The following MAGI3 variants were observed in gnomAD, a reference collection of about 807,000 sequenced individuals.
MAGI3 encodes membrane-associated guanylate kinase, WW and PDZ domain-containing protein 3.
MAGI3 carries 43 observed loss-of-function variants against 121.8 expected under a neutral mutation model. The ratio of observed to expected loss-of-function variants is 0.35; its 90% CI spans 0.28 to 0.46. MAGI3 has a LOEUF of 0.46. Among genes scored for constraint, MAGI3 ranks in the 20% least tolerant of loss-of-function variants. The pLI, the probability that MAGI3 is intolerant of heterozygous loss-of-function variation, is 1.00. For synonymous variants in MAGI3, 553 were observed against 639.3 expected, an observed-to-expected ratio of 0.86 and a Z score of 2.04; for missense variants, 1,547 against 1,797.3, an observed-to-expected ratio of 0.86 and a Z score of 2.52.
chr1:113,660,516 T>C (rs1653726147), intron 16 of MAGI3, among the ~76,000 whole-genome samples: 1 of 151,960 alleles, frequency 6.6e-6, no homozygotes, highest in Non-Finnish European at 1.5e-5. Flanking sequence ...ATCTCTGCAC[T>C]TCACTGGACA....
chr1:113,442,594 A>G (rs938285374), intron 1 of MAGI3, among the ~76,000 whole-genome samples: 1 of 151,834 alleles, frequency 6.6e-6, no homozygotes, highest in Non-Finnish European at 1.5e-5. Context: ...TATATATATA[A>G]CGTACAGGCA....
chr1:113,545,291 T>C (rs1026700053), intron 1 of MAGI3, among the ~76,000 whole-genome samples: 6 of 152,156 alleles, frequency 3.9e-5, no homozygotes, highest in African/African-American at 1.4e-4. Context: ...TGAATCAATA[T>C]GAATTTATAA....
chr1:113,474,734 G>A (rs1313122494), intron 1 of MAGI3, among the ~76,000 whole-genome samples: 2 of 152,110 alleles, frequency 1.3e-5, no homozygotes, highest in African/African-American at 2.4e-5. Context: ...CTCTTTTTTG[G>A]TTCCATATGA....
rs182170765 is a variant in MAGI3 at position 113,450,412 on chromosome 1, A to G, written c.316+59063A>G. 4.4e-6 allele frequency: 5 copies of G among 1,133,280 alleles called. No individual in the cohort carries two copies. In the Admixed American group the frequency reaches 8.4e-5, roughly 19 times the overall value. 70.2% of individuals were successfully genotyped at this position (1,133,280 alleles called of 1,614,324 possible). On this transcript the variant is annotated intron_variant, in intron 1 of 20. Transcript: ENST00000307546. ...GGTGGATATAATGGATTTGGAGGTGATGGTGGCAACTATGGTGTGGTCCTG... is the reference window on the plus strand; with the variant it reads ...GGTGGATATAATGGATTTGGAGGTGGTGGTGGCAACTATGGTGTGGTCCTG...
In MAGI3 at chr1:113,590,480, G is replaced by A. The variant is rs1648633650; in HGVS notation, c.764-4G>A. 6.2e-7 allele frequency: 1 copy of A among 1,613,060 alleles called. No homozygotes were observed. The highest frequency in any genetic ancestry group is 8.5e-7 in the Non-Finnish European group (1 of 1,179,410). On this transcript the variant is annotated splice_polypyrimidine_tract_variant and splice_region_variant and intron_variant, in intron 4 of 20. Coordinates refer to ENST00000307546, the MANE Select transcript of MAGI3 (RefSeq NM_001142782.2). ...TCACACCTTTCTGTTTTGAACAATG[G>A]CAGAAAACAGAGAGAGGCATTCTGA...
intron 2 of MAGI3, among the ~76,000 whole-genome samples, chr1:113,563,369 A>G (rs1276223944): frequency 6.6e-6 from 1 of 152,150 alleles, no homozygotes; most frequent in African/African-American, 2.4e-5. Flanking sequence ...TCTCCTGTCC[A>G]TTGGCACAGT....
intron 20 of MAGI3, chr1:113,682,116 T>A (rs973210795): frequency 7.3e-7 from 1 of 1,379,284 alleles, no homozygotes; most frequent in Non-Finnish European, 9.9e-7. Flanking sequence ...CACCATCTGC[T>A]TGTAAATCAT....
intron 14 of MAGI3, among the ~76,000 whole-genome samples, chr1:113,651,680 G>A (rs560778887): frequency 6.6e-6 from 1 of 152,192 alleles, no homozygotes; most frequent in South Asian, 2.1e-4. Flanking sequence ...TAGTAGAGAC[G>A]GGGTTTCACC....
intron 2 of MAGI3, among the ~76,000 whole-genome samples, chr1:113,568,413 C>T (rs974064024): frequency 4.6e-5 from 7 of 151,910 alleles, no homozygotes; most frequent in African/African-American, 1.7e-4. Flanking sequence ...GCAAAGATAC[C>T]AGTTCTGCTC....
intron 16 of MAGI3, among the ~76,000 whole-genome samples, chr1:113,660,883 C>T (rs1397991177): frequency 1.3e-5 from 2 of 150,014 alleles, no homozygotes; most frequent in African/African-American, 5.0e-5. Context: ...GTATTACAGG[C>T]GTGAGCCACC....
At chr1:113,420,661 T>C (rs1652689822) in intron 1 of MAGI3, among the ~76,000 whole-genome samples, 1 of 152,222 alleles carries the variant, frequency 6.6e-6, no homozygotes, top group Non-Finnish European at 1.5e-5. Flanking sequence ...TTTTTTGGAA[T>C]TTAACAGGCC....
intron 9 of MAGI3, among the ~76,000 whole-genome samples, chr1:113,634,749 GT>G (rs1651895941): frequency 6.6e-6 from 1 of 152,124 alleles, no homozygotes; most frequent in African/African-American, 2.4e-5. Context: ...CTTTAAAGTA[GT>G]TTTTTCCAAT....
At chr1:113,417,016 A>G (rs962389042) in intron 1 of MAGI3, among the ~76,000 whole-genome samples, 1 of 152,070 alleles carries the variant, frequency 6.6e-6, no homozygotes, top group African/African-American at 2.4e-5. Flanking sequence ...GCAATTAGTA[A>G]TTGATTTTTT....
At chr1:113,485,148 T>C (rs928771671) in intron 1 of MAGI3, among the ~76,000 whole-genome samples, 9 of 152,352 alleles carry the variant, frequency 5.9e-5, no homozygotes, top group Admixed American at 2.6e-4. Context: ...CTTTTTCTTA[T>C]AATGACTTCT....
intron 1 of MAGI3, among the ~76,000 whole-genome samples, chr1:113,474,598 G>T (rs948650923): frequency 6.6e-6 from 1 of 152,082 alleles, no homozygotes; most frequent in African/African-American, 2.4e-5. Context: ...ATTTCTGAGG[G>T]CTCTGTTCTG....
At position 113,683,607 on chromosome 1, in the gene MAGI3, G is replaced by GA; in HGVS notation, c.4045dup (p.Ser1349LysfsTer15). On this transcript the variant is annotated frameshift_variant, in exon 21 of 21. Transcript: ENST00000307546. LOFTEE classifies it low-confidence loss of function (END_TRUNC). ...GAAAGATGCAAAGCAGAATCAGTTG[G>GA]AAAAAAGCAGAACAAGGTCTCCAGA... 9 of 1,613,480 alleles carry GA rather than the reference G, an allele frequency of 5.6e-6. No homozygotes were observed. The highest frequency in any genetic ancestry group is 6.8e-6 in the Non-Finnish European group (8 of 1,179,802).
intron 3 of MAGI3, among the ~76,000 whole-genome samples, chr1:113,582,205 CCTT>C (rs1197108955): frequency 1.3e-5 from 2 of 152,020 alleles, no homozygotes; most frequent in Admixed American, 1.3e-4. Context: ...ATGGTATAAT[CCTT>C]CTGGAGAGCA....
chr1:113,633,238 ATTTTTTTTTTTTTTTTTTTTTTTT>A (rs71090716), intron 9 of MAGI3, among the ~76,000 whole-genome samples: 8 of 56,642 alleles, frequency 1.4e-4, no homozygotes, highest in East Asian at 6.5e-4. Context: ...TGAACTCATC[ATTTTTTTTTTTTTTTTTTTTTTTT>A]TTTTTTTTTT....
chr1:113,467,435 CT>C (rs1655343751), intron 1 of MAGI3, among the ~76,000 whole-genome samples: 1 of 152,078 alleles, frequency 6.6e-6, no homozygotes, highest in South Asian at 2.1e-4. Flanking sequence ...GTGAAATGTT[CT>C]GTTAGTTAGA....
Sources: gnomAD v4.1 joint callset for allele counts (sites outside exome capture counted in the v4.1 genomes callset) on GRCh38, gnomAD v4.1.1 for gene constraint, MANE v1.5 for transcripts, NCBI Gene and HGNC (gene_info 2026-07-23, HGNC 2026-07-21) for gene names.